SLC35A1: variants seen among roughly 807,000 people sequenced by gnomAD.
SLC35A1 encodes solute carrier family 35 member A1.
In SLC35A1, 21 loss-of-function variants were observed where a neutral mutation model predicts 40.3. That is an observed-to-expected ratio of 0.52 (90% CI 0.37 to 0.75). The LOEUF is 0.75. SLC35A1 is among the 30% of genes least tolerant of loss of function. The probability of loss-of-function intolerance (pLI) is 0.00; values close to 1 mark genes in which losing one functional copy is unlikely to be tolerated. For missense variants in SLC35A1, 297 were observed against 382.1 expected, an observed-to-expected ratio of 0.78 and a Z score of 1.86; for synonymous variants, 146 against 147.3, an observed-to-expected ratio of 0.99 and a Z score of 0.06.
At chr6:87,505,879 C>T (rs1478026472) in intron 4 of SLC35A1, among the ~76,000 whole-genome samples, 1 of 152,096 alleles carries the variant, frequency 6.6e-6, no homozygotes, top group Non-Finnish European at 1.5e-5. Flanking sequence ...ACATTCAAAC[C>T]ACAGCAGTGT....
chr6:87,495,497 C>T (rs61076046), intron 2 of SLC35A1, among the ~76,000 whole-genome samples: 131 of 152,220 alleles, frequency 8.6e-4, no homozygotes, highest in Middle Eastern at 3.4e-3. Context: ...TTGTTTATTT[C>T]TCCTTCTGGG....
intron 4 of SLC35A1, among the ~76,000 whole-genome samples, chr6:87,502,247 T>C (rs933584343): frequency 1.3e-5 from 2 of 152,230 alleles, no homozygotes; most frequent in African/African-American, 4.8e-5. Flanking sequence ...TCATCTGTCA[T>C]TATTTCTCAA....
rs772205367 is a variant in SLC35A1, at chr6:87,500,708, A to G, written c.354+41A>G. 9 of 1,588,690 alleles carry G rather than the reference A, an allele frequency of 5.7e-6. No individual in the cohort carries two copies. In the South Asian group the frequency reaches 1.0e-4, roughly 18 times the overall value. On this transcript the variant is annotated intron_variant, in intron 3 of 7. Transcript: ENST00000369552. Reference sequence around the variant, plus strand: ...GATAATGAAAAGCACAGAATCTTTTATGGTAAAAAGAGTTTTTATTAACTC... The same window carrying G: ...GATAATGAAAAGCACAGAATCTTTTGTGGTAAAAAGAGTTTTTATTAACTC...
At chr6:87,498,899 C>T (rs1165152015) in intron 2 of SLC35A1, among the ~76,000 whole-genome samples, 1 of 152,214 alleles carries the variant, frequency 6.6e-6, no homozygotes, top group Non-Finnish European at 1.5e-5. Context: ...GGAAAACTCT[C>T]CTACATAGAT....
chr6:87,510,219 G>A (rs991767461), intron 7 of SLC35A1, among the ~76,000 whole-genome samples: 1 of 152,200 alleles, frequency 6.6e-6, no homozygotes, highest in East Asian at 1.9e-4. Flanking sequence ...TACCATTTCA[G>A]TATCAGGTAC....
intron 5 of SLC35A1, chr6:87,507,173 T>C (rs1770112272): frequency 1.3e-5 from 2 of 152,346 alleles, no homozygotes; most frequent in South Asian, 4.1e-4. Context: ...GTTATAGCTA[T>C]ACATCTTTAT....
chr6:87,496,001 G>T (rs1411860525), intron 2 of SLC35A1: 1 of 152,146 alleles, frequency 6.6e-6, no homozygotes, highest in African/African-American at 2.4e-5. Context: ...CTTTGTAGAT[G>T]ATAAGAAATT....
intron 2 of SLC35A1, among the ~76,000 whole-genome samples, chr6:87,479,722 T>G (rs1361755607): frequency 6.6e-6 from 1 of 152,224 alleles, no homozygotes; most frequent in South Asian, 2.1e-4. Context: ...TTTAACAGCA[T>G]CTCTAGTGTA....
At chr6:87,492,016 A>G (rs1203806412) in intron 2 of SLC35A1, among the ~76,000 whole-genome samples, 1 of 152,154 alleles carries the variant, frequency 6.6e-6, no homozygotes, top group Admixed American at 6.5e-5. Context: ...ACATTCTTCT[A>G]TTTGTGTGAA....
intron 2 of SLC35A1, among the ~76,000 whole-genome samples, chr6:87,480,930 G>A (rs1215773769): frequency 2.0e-5 from 3 of 151,982 alleles, no homozygotes; most frequent in Non-Finnish European, 2.9e-5. Flanking sequence ...CACAAGGTAG[G>A]GTCCTTCTCA....
rs375477700 is a variant in SLC35A1 at position 87,481,004 on chromosome 6, G to A, written c.194+3465G>A. ...GGGTGTGATCCCCAGGCTAGTGCCC[G>A]TTTACCAGAAATTCTAGGGGTGGTA... On this transcript the variant is annotated intron_variant, in intron 2 of 7. Transcript: ENST00000369552. 3.9e-5 allele frequency among the ~76,000 whole-genome samples: 6 copies of A among 152,186 alleles called. No individual in the cohort carries two copies. In the East Asian group the frequency reaches 9.7e-4, roughly 25 times the overall value.
intron 2 of SLC35A1, among the ~76,000 whole-genome samples, chr6:87,480,911 G>A (rs1769225532): frequency 6.6e-6 from 1 of 152,138 alleles, no homozygotes; most frequent in African/African-American, 2.4e-5. Context: ...TAGTCTTGGT[G>A]GTTAGCAGCA....
chr6:87,481,373 C>T (rs1321175818), intron 2 of SLC35A1, among the ~76,000 whole-genome samples: 2 of 150,752 alleles, frequency 1.3e-5, no homozygotes, highest in Admixed American at 6.6e-5. Flanking sequence ...GCCGAGATCG[C>T]GCCATTGCAC....
In SLC35A1 at chr6:87,482,137, C is replaced by T. The variant is rs79984234; in HGVS notation, c.194+4598C>T. Among the ~76,000 whole-genome samples, 3 of 152,282 alleles carry T rather than the reference C, an allele frequency of 2.0e-5. No individual in the cohort carries two copies. The East Asian group carries it at 5.8e-4, about 29-fold the overall frequency. Reference sequence around the variant, plus strand: ...GACTTTCGCAATCTTCGACAGGCCTCAATTTTCTGACTTCCTGTAAACATC... The same window carrying T: ...GACTTTCGCAATCTTCGACAGGCCTTAATTTTCTGACTTCCTGTAAACATC... On this transcript the variant is annotated intron_variant, in intron 2 of 7. Transcript: ENST00000369552.
chr6:87,506,100 T>C (rs1770072624), intron 4 of SLC35A1, among the ~76,000 whole-genome samples: 1 of 152,232 alleles, frequency 6.6e-6, no homozygotes, highest in Non-Finnish European at 1.5e-5. Context: ...CAAAAGTTCA[T>C]GCTAGAGTGC....
At chr6:87,481,143 C>T (rs923842693) in intron 2 of SLC35A1, among the ~76,000 whole-genome samples, 1 of 152,088 alleles carries the variant, frequency 6.6e-6, no homozygotes, top group Non-Finnish European at 1.5e-5. Context: ...AGGCTGGGCG[C>T]GGTGGCTCAT....
chr6:87,492,471 G>C (rs566428264), intron 2 of SLC35A1, among the ~76,000 whole-genome samples: 1 of 150,936 alleles, frequency 6.6e-6, no homozygotes. Flanking sequence ...TCATAGAAAT[G>C]ATGCGTCCCT....
At chr6:87,499,382 A>G (rs1381344428) in intron 2 of SLC35A1, among the ~76,000 whole-genome samples, 1 of 152,212 alleles carries the variant, frequency 6.6e-6, no homozygotes, top group Non-Finnish European at 1.5e-5. Flanking sequence ...CGTGAGCTGC[A>G]GTTAGGACCA....
chr6:87,474,926 A>G (rs1388210715), intron 1 of SLC35A1, among the ~76,000 whole-genome samples: 1 of 152,216 alleles, frequency 6.6e-6, no homozygotes, highest in Non-Finnish European at 1.5e-5. Flanking sequence ...TAGGCTATCA[A>G]TATTTGGTTT....
Sources: gnomAD v4.1 joint callset for allele counts (sites outside exome capture counted in the v4.1 genomes callset) on GRCh38, gnomAD v4.1.1 for gene constraint, MANE v1.5 for transcripts, NCBI Gene and HGNC (gene_info 2026-07-23, HGNC 2026-07-21) for gene names.